Variants in ADGRL3 observed in about 807,000 individuals in gnomAD.
ADGRL3 encodes adhesion G protein-coupled receptor L3.
A neutral mutation model predicts 153.5 loss-of-function variants in ADGRL3; 62 were observed. The ratio of observed to expected loss-of-function variants is 0.40; its 90% CI spans 0.33 to 0.50. The LOEUF is 0.50. Among genes scored for constraint, ADGRL3 ranks in the 20% least tolerant of loss-of-function variants. The pLI is 0.47. For missense variants in ADGRL3, 1,641 were observed against 1,859.4 expected (o/e 0.88, Z 2.16); for synonymous variants, 710 against 672.5 (o/e 1.06, Z -0.86).
intron 9 of ADGRL3, among the ~76,000 whole-genome samples, chr4:61,866,115 C>T (rs947169174): frequency 1.3e-5 from 2 of 152,162 alleles, no homozygotes; most frequent in Non-Finnish European, 2.9e-5. Context: ...TCCAGGCAAG[C>T]ACCATCCCCT....
chr4:61,688,537 C>T (rs2095485968), intron 6 of ADGRL3, among the ~76,000 whole-genome samples: 1 of 152,120 alleles, frequency 6.6e-6, no homozygotes, highest in South Asian at 2.1e-4. Context: ...CAGCTTTGTA[C>T]CATGATGGCC....
intron 1 of ADGRL3, among the ~76,000 whole-genome samples, chr4:61,286,571 G>C (rs1280730546): frequency 1.3e-5 from 2 of 151,618 alleles, no homozygotes; most frequent in Non-Finnish European, 3.0e-5. Flanking sequence ...CTATATAACT[G>C]AAGCAAATTG....
At chr4:61,735,183 T>C (rs1251677990) in intron 8 of ADGRL3, among the ~76,000 whole-genome samples, 2 of 152,180 alleles carry the variant, frequency 1.3e-5, no homozygotes, top group African/African-American at 2.4e-5. Context: ...ATATATATAA[T>C]AAGGCTCAAT....
At chr4:61,997,116 G>T (rs2099124348) in intron 20 of ADGRL3, among the ~76,000 whole-genome samples, 1 of 152,034 alleles carries the variant, frequency 6.6e-6, no homozygotes, top group African/African-American at 2.4e-5. Context: ...GAAAGATAAT[G>T]TGGTACATAT....
intron 5 of ADGRL3, among the ~76,000 whole-genome samples, chr4:61,654,338 G>A (rs1048829008): frequency 1.7e-4 from 26 of 151,722 alleles, no homozygotes; most frequent in African/African-American, 6.0e-4. Context: ...ATCAAATTTG[G>A]ATATGCGTAC....
intron 2 of ADGRL3, among the ~76,000 whole-genome samples, chr4:61,482,406 T>A (rs1184365779): frequency 6.6e-6 from 1 of 152,150 alleles, no homozygotes; most frequent in East Asian, 1.9e-4. Flanking sequence ...TCACAGTCAA[T>A]CTGTGTTCCC....
At chr4:61,960,684 C>A (rs1165752590) in intron 17 of ADGRL3, among the ~76,000 whole-genome samples, 1 of 151,892 alleles carries the variant, frequency 6.6e-6, no homozygotes, top group Non-Finnish European at 1.5e-5. Flanking sequence ...ACTTCCTAAA[C>A]ATATGGATTA....
At chr4:61,554,619 A>G (rs1301326815) in intron 4 of ADGRL3, among the ~76,000 whole-genome samples, 1 of 152,164 alleles carries the variant, frequency 6.6e-6, no homozygotes, top group African/African-American at 2.4e-5. Context: ...GAGACAGAGG[A>G]TAAAATTGAT....
chr4:61,667,359 T>A (rs2094835566), intron 5 of ADGRL3, among the ~76,000 whole-genome samples: 1 of 152,220 alleles, frequency 6.6e-6, no homozygotes, highest in Non-Finnish European at 1.5e-5. Flanking sequence ...CAAAAGAAGT[T>A]AGTATTTTTT....
intron 1 of ADGRL3, among the ~76,000 whole-genome samples, chr4:61,350,942 A>C (rs1045296046): frequency 6.6e-6 from 1 of 152,190 alleles, no homozygotes; most frequent in African/African-American, 2.4e-5. Flanking sequence ...ATTGCACCTC[A>C]CTTGAAATCA....
chr4:61,884,232 C>A (rs994934628), intron 9 of ADGRL3, among the ~76,000 whole-genome samples: 1 of 152,160 alleles, frequency 6.6e-6, no homozygotes, highest in African/African-American at 2.4e-5. Flanking sequence ...ATCGGTTCAT[C>A]AGAAAATATG....
chr4:61,886,890 G>A lies in ADGRL3; in HGVS notation c.1481-5766G>A, dbSNP rs1211868311. On this transcript the variant is annotated intron_variant, in intron 9 of 26. Transcript: ENST00000683033. The stretch of plus-strand genomic sequence containing the variant: ...TCAAACTCCTGACCTCAGATGATCC[G>A]CCTGCCTCAGCCTCCCAAAGTTCTG... 1.3e-5 allele frequency among the ~76,000 whole-genome samples: 2 copies of A among 151,588 alleles called. 1 individual carries two copies. Among genetic ancestry groups the A allele is most frequent in the South Asian group, 4.2e-4 (2 of 4,806 alleles).
At chr4:61,745,337 C>G (rs766213423) in intron 8 of ADGRL3, among the ~76,000 whole-genome samples, 2 of 152,116 alleles carry the variant, frequency 1.3e-5, no homozygotes, top group Non-Finnish European at 2.9e-5. Flanking sequence ...GGCCAACATT[C>G]AGACTCAGGA....
chr4:62,072,413 A>G lies in ADGRL3; in HGVS notation c.*1505A>G, dbSNP rs1745976613. On this transcript the variant is annotated 3_prime_UTR_variant, in exon 27 of 27. Coordinates refer to ENST00000683033, the MANE Select transcript of ADGRL3 (RefSeq NM_001387552.1). ...TTGTAAAAGTGAAACTTGTTTGCCA[A>G]CCAATAAACAACTGATTGAGATTTA... 6.6e-6 allele frequency: 1 copy of G among 152,608 alleles called. No individual in the cohort carries two copies. Among genetic ancestry groups the G allele is most frequent in the African/African-American group, 2.4e-5 (1 of 41,458 alleles). 9.5% of individuals were successfully genotyped at this position (152,608 alleles called of 1,614,324 possible).
At chr4:61,738,101 C>G (rs533503275) in intron 8 of ADGRL3, among the ~76,000 whole-genome samples, 1 of 152,088 alleles carries the variant, frequency 6.6e-6, no homozygotes, top group East Asian at 1.9e-4. Context: ...CTCCAAGTCC[C>G]CAAAGTCCAC....
chr4:61,217,014 G>A (rs1743101035), intron 1 of ADGRL3, among the ~76,000 whole-genome samples: 1 of 152,178 alleles, frequency 6.6e-6, no homozygotes, highest in African/African-American at 2.4e-5. Context: ...TTTTTCTGCA[G>A]TTCCCAAAAG....
At chr4:61,421,077 G>A (rs1190292923) in intron 2 of ADGRL3, among the ~76,000 whole-genome samples, 2 of 152,076 alleles carry the variant, frequency 1.3e-5, no homozygotes, top group East Asian at 1.9e-4. Flanking sequence ...TTGGGAGGCC[G>A]AGGTGGGTGG....
At chr4:61,819,634 A>G (rs1300688647) in intron 9 of ADGRL3, among the ~76,000 whole-genome samples, 3 of 152,156 alleles carry the variant, frequency 2.0e-5, no homozygotes, top group Admixed American at 6.5e-5. Flanking sequence ...TCATCAGTCT[A>G]GCAATATGAA....
At chr4:61,644,838 C>T (rs1239659065) in intron 5 of ADGRL3, among the ~76,000 whole-genome samples, 1 of 151,882 alleles carries the variant, frequency 6.6e-6, no homozygotes, top group African/African-American at 2.4e-5. Context: ...CCTGGGTATC[C>T]TTGTTGACTT....
Sources: gnomAD v4.1 joint callset for allele counts (sites outside exome capture counted in the v4.1 genomes callset) on GRCh38, gnomAD v4.1.1 for gene constraint, MANE v1.5 for transcripts, NCBI Gene and HGNC (gene_info 2026-07-23, HGNC 2026-07-21) for gene names.